Variants in ZNF236 observed in about 807,000 individuals in gnomAD.
ZNF236 encodes zinc finger protein 236.
Under a neutral mutation model 191.2 loss-of-function variants are expected in ZNF236, and 50 were observed. The observed-to-expected ratio is 0.26, with a 90% CI of 0.21 to 0.33. ZNF236 has a LOEUF of 0.33. ZNF236 is among the 10% of genes least tolerant of loss of function. The pLI is 1.00. For missense variants in ZNF236, 1,754 were observed against 2,374.5 expected (o/e 0.74, Z 5.43); for synonymous variants, 907 against 928.8 (o/e 0.98, Z 0.43).
chr18:76,942,641 A>G (rs1018316411), intron 26 of ZNF236, among the ~76,000 whole-genome samples: 2 of 151,338 alleles, frequency 1.3e-5, no homozygotes, highest in Admixed American at 1.3e-4. Context: ...CCTCCTGAGT[A>G]GCTGGGACCA....
chr18:76,852,465 G>A (rs898769585), intron 3 of ZNF236, among the ~76,000 whole-genome samples: 1 of 152,108 alleles, frequency 6.6e-6, no homozygotes. Flanking sequence ...GTGCTGGGTT[G>A]GGGGCTGAAT....
chr18:76,841,717 G>A (rs1453564099), intron 1 of ZNF236, among the ~76,000 whole-genome samples: 2 of 143,138 alleles, frequency 1.4e-5, no homozygotes, highest in Non-Finnish European at 3.0e-5. Flanking sequence ...TTCTGAGATG[G>A]AGTTTCAGTC....
intron 9 of ZNF236, among the ~76,000 whole-genome samples, chr18:76,882,664 A>G (rs959570057): frequency 3.3e-5 from 5 of 152,220 alleles, no homozygotes; most frequent in African/African-American, 1.2e-4. Context: ...CTCATGTATA[A>G]CATGATTCTG....
chr18:76,867,456 TAAC>T (rs1252952592), intron 3 of ZNF236, among the ~76,000 whole-genome samples: 1 of 152,208 alleles, frequency 6.6e-6, no homozygotes, highest in African/African-American at 2.4e-5. Flanking sequence ...TAGTATCAAT[TAAC>T]AGCCTCATTT....
chr18:76,914,294 A>G (rs2122779605), intron 18 of ZNF236, among the ~76,000 whole-genome samples: 1 of 152,296 alleles, frequency 6.6e-6, no homozygotes, highest in Non-Finnish European at 1.5e-5. Flanking sequence ...CCATTGTAGG[A>G]TATGCCACGT....
intron 1 of ZNF236, among the ~76,000 whole-genome samples, chr18:76,826,533 G>A (rs1372697149): frequency 1.3e-5 from 2 of 150,730 alleles, no homozygotes; most frequent in African/African-American, 4.9e-5. Context: ...GCTCACACCT[G>A]TAATCCCAGC....
At chr18:76,896,914 A>G (rs1977436731) in intron 10 of ZNF236, among the ~76,000 whole-genome samples, 1 of 151,906 alleles carries the variant, frequency 6.6e-6, no homozygotes, top group African/African-American at 2.4e-5. Flanking sequence ...AACACAGTAC[A>G]CACAAGTACT....
chr18:76,829,072 G>A (rs565326190), intron 1 of ZNF236, among the ~76,000 whole-genome samples: 5 of 152,306 alleles, frequency 3.3e-5, no homozygotes, highest in Non-Finnish European at 7.4e-5. Context: ...TGCAAAACGA[G>A]CTTGGGAAAA....
At chr18:76,830,687 A>G (rs528662915) in intron 1 of ZNF236, among the ~76,000 whole-genome samples, 2 of 152,280 alleles carry the variant, frequency 1.3e-5, no homozygotes, top group African/African-American at 2.4e-5. Context: ...CAAGTTTACG[A>G]ATTTGTGTTG....
chr18:76,950,042 G>A (rs1968366375), intron 27 of ZNF236, among the ~76,000 whole-genome samples: 1 of 152,140 alleles, frequency 6.6e-6, no homozygotes, highest in Admixed American at 6.5e-5. Context: ...TGAGCCTTCA[G>A]TGAGTTGTAA....
intron 4 of ZNF236, among the ~76,000 whole-genome samples, chr18:76,870,764 G>A (rs1976560540): frequency 6.6e-6 from 1 of 152,146 alleles, no homozygotes; most frequent in African/African-American, 2.4e-5. Flanking sequence ...TCAGGCTGAA[G>A]GAGTGTGTTG....
Position 76,925,736 on chromosome 18 carries a change from C to G in ZNF236, c.4027+182C>G, listed in dbSNP as rs1319544704. Among the ~76,000 whole-genome samples the G allele has an allele frequency of 6.6e-6, 1 of 152,212 alleles. No homozygotes were observed. The highest frequency in any genetic ancestry group is 1.5e-5 in the Non-Finnish European group (1 of 68,042). ...TCCGTCTTGCAGACATTGCTCCTTT[C>G]CATTTCGCATTCTGTCTTCCATGCC... On this transcript the variant is annotated intron_variant, in intron 22 of 30. Transcript: ENST00000320610. The surrounding 1 kb of genome is among the most constrained non-coding windows in gnomAD (Gnocchi z 5.7).
chr18:76,904,093 T>G (rs1977674450), intron 11 of ZNF236, among the ~76,000 whole-genome samples: 1 of 151,546 alleles, frequency 6.6e-6, no homozygotes, highest in Non-Finnish European at 1.5e-5. Context: ...TGACTAGATA[T>G]TTCTCATGTT....
chr18:76,956,331 G>T lies in ZNF236; in HGVS notation c.5112+149G>T. 3.3e-6 allele frequency: 3 copies of T among 912,446 alleles called. No individual in the cohort carries two copies. In the South Asian group the frequency reaches 4.4e-5, roughly 13 times the overall value. The allele number at this position is 912,446 out of a possible 1,614,324, so 56.5% of individuals were successfully genotyped here. A position where few individuals can be genotyped will look rare whatever the true frequency, so the allele number is the denominator to read the frequency against. On this transcript the variant is annotated intron_variant, in intron 28 of 30. Transcript: ENST00000320610. ...AAAGGTCACTAGATGTAGATGTATT[G>T]TTCCGGTTGTAAGAGGTCTGCTTGC...
rs528676300 is a variant in ZNF236 at position 76,851,833 on chromosome 18, A to G, written c.257A>G (p.His86Arg). 6.2e-7 allele frequency: 1 copy of G among 1,614,016 alleles called. No homozygotes were observed. The highest frequency in any genetic ancestry group is 8.5e-7 in the Non-Finnish European group (1 of 1,179,996). The change falls in exon 3 of 31, where the codon CAT (histidine) becomes CGT (arginine). Residue 86 changes from histidine (H) to arginine (R), a missense_variant. His to Arg is a conservative substitution (Grantham distance 29, BLOSUM62 0). Coordinates refer to ENST00000320610, the MANE Select transcript of ZNF236 (RefSeq NM_001306089.2). Reference sequence around the variant, plus strand: ...AATGTTGAATTCAACCTGACACTTCATAAATGCACCCACAGCGGGGAAGAT... The same window carrying G: ...AATGTTGAATTCAACCTGACACTTCGTAAATGCACCCACAGCGGGGAAGAT... ...TFNVEFNLTL[H>R]KCTHSGEDPT...
At chr18:76,926,667 G>A (rs55706014) in intron 22 of ZNF236, among the ~76,000 whole-genome samples, 35,599 of 149,760 alleles carry the variant, frequency 0.24, 5,027 homozygotes, top group East Asian at 0.32. Flanking sequence ...ATTAGACTGT[G>A]TGTGTATATA....
At chr18:76,839,075 G>C (rs1975411332) in intron 1 of ZNF236, among the ~76,000 whole-genome samples, 1 of 152,228 alleles carries the variant, frequency 6.6e-6, no homozygotes, top group African/African-American at 2.4e-5. Flanking sequence ...CATTCTCACT[G>C]TTTGATAGTA....
At chr18:76,910,881 A>G in intron 16 of ZNF236, 70 bp downstream of exon 16, 1 of 1,550,350 alleles carries the variant, frequency 6.5e-7, no homozygotes, top group Admixed American at 1.9e-5. Flanking sequence ...CACTGTCATT[A>G]TTAAAAATTT....
intron 20 of ZNF236, among the ~76,000 whole-genome samples, chr18:76,921,283 G>A (rs748983173): frequency 3.9e-5 from 6 of 152,218 alleles, no homozygotes; most frequent in Non-Finnish European, 7.3e-5. Flanking sequence ...GTCCCACTGG[G>A]TGGTGTGGCC....
Sources: allele counts gnomAD v4.1 joint callset (sites outside exome capture counted in the v4.1 genomes callset), GRCh38; gene constraint gnomAD v4.1.1; non-coding constraint Gnocchi (gnomAD v3.1); transcripts MANE v1.5; gene names NCBI Gene and HGNC (gene_info 2026-07-23, HGNC 2026-07-21).